The following INSL6 variants were observed in gnomAD, a reference collection of about 807,000 sequenced individuals.
INSL6 encodes the protein insulin-like peptide INSL6.
INSL6 carries 16 observed loss-of-function variants against 9.4 expected under a neutral mutation model. The observed-to-expected ratio is 1.70, with a 90% CI of 1.15 to 2.59. The LOEUF is 2.59. Among genes scored for constraint, INSL6 ranks in the 30% most tolerant of loss-of-function variants. INSL6 has a pLI of 0.00. For synonymous variants in INSL6, 154 were observed against 96.9 expected, an observed-to-expected ratio of 1.59 and a Z score of -3.46; for missense variants, 391 against 257.3, an observed-to-expected ratio of 1.52 and a Z score of -3.56.
chr9:5,105,383 A>G, the INSL6 span, among the ~76,000 whole-genome samples: 1 of 152,222 alleles, frequency 6.6e-6, no homozygotes, highest in Non-Finnish European at 1.5e-5. Context: ...CTTCAAGGAA[A>G]ACTACAAACC....
chr9:5,077,566 GC>G, the INSL6 span: 1 of 1,484,180 alleles, frequency 6.7e-7, no homozygotes, highest in Non-Finnish European at 8.9e-7. Context: ...GTTGGCATGG[GC>G]CATGCATTTT....
At chr9:5,046,244 G>T in the INSL6 span, among the ~76,000 whole-genome samples, 6 of 152,030 alleles carry the variant, frequency 3.9e-5, no homozygotes, top group African/African-American at 1.4e-4. Context: ...GAAGTCCTTT[G>T]CCCATTTTTA....
At chr9:5,065,724 C>T in the INSL6 span, among the ~76,000 whole-genome samples, 2 of 152,164 alleles carry the variant, frequency 1.3e-5, no homozygotes, top group Non-Finnish European at 2.9e-5. Context: ...ATCTATTTAG[C>T]TTAAGTCCTA....
In INSL6 at chr9:5,139,593, C is replaced by G. The variant is rs567954842; in HGVS notation, c.377-6001G>C. Among the ~76,000 whole-genome samples, 5 of 152,266 alleles carry G rather than the reference C, an allele frequency of 3.3e-5. No homozygotes were observed. The South Asian group carries it at 1.0e-3, about 32-fold the overall frequency. On this transcript the variant is annotated intron_variant, in intron 2 of 3. Coordinates refer to the INSL6 transcript ENST00000649639. Reference sequence around the variant, plus strand: ...CCATATTTTCTAAAAGGTATCATATCTGCTACATGAAATATAACTAGAAGA... The same window carrying G: ...CCATATTTTCTAAAAGGTATCATATGTGCTACATGAAATATAACTAGAAGA...
chr9:5,004,800 A>G, the INSL6 span, among the ~76,000 whole-genome samples: 1 of 151,942 alleles, frequency 6.6e-6, no homozygotes, highest in Non-Finnish European at 1.5e-5. Flanking sequence ...TGTTATCCTT[A>G]TATCTTTTTG....
the INSL6 span, chr9:5,050,671 A>T: frequency 4.4e-6 from 7 of 1,606,872 alleles, no homozygotes; most frequent in Non-Finnish European, 5.9e-6. Flanking sequence ...ATTTCCTTCA[A>T]ATTTTTGGTT....
At chr9:5,117,812 G>C in the INSL6 span, among the ~76,000 whole-genome samples, 9 of 152,110 alleles carry the variant, frequency 5.9e-5, no homozygotes, top group Admixed American at 3.3e-4. Flanking sequence ...CAAAAGCTTT[G>C]AGAACTACTG....
chr9:5,159,529 C>A (rs79093242), downstream of INSL6, among the ~76,000 whole-genome samples: 31 of 151,932 alleles, frequency 2.0e-4, no homozygotes, highest in African/African-American at 7.0e-4. Context: ...AATTAGGTTT[C>A]AAGACAAAAA....
chr9:5,138,891 T>G (rs779191485), intron 2 of INSL6, among the ~76,000 whole-genome samples: 3 of 147,768 alleles, frequency 2.0e-5, no homozygotes, highest in Non-Finnish European at 4.5e-5. Flanking sequence ...TCGGGTTGTT[T>G]TTATATAGTC....
chr9:5,006,676 C>A, the INSL6 span, among the ~76,000 whole-genome samples: 1 of 152,078 alleles, frequency 6.6e-6, no homozygotes, highest in Non-Finnish European at 1.5e-5. Flanking sequence ...ATTTAAATAA[C>A]CAGATCTCAT....
chr9:5,024,274 G>T, the INSL6 span, among the ~76,000 whole-genome samples: 29 of 151,848 alleles, frequency 1.9e-4, no homozygotes, highest in African/African-American at 7.0e-4. Context: ...ATTTTTTTTT[G>T]GCTTGTAAGA....
At chr9:5,130,629 T>TTAA (rs1207543600) in intron 3 of INSL6, among the ~76,000 whole-genome samples, 5 of 152,208 alleles carry the variant, frequency 3.3e-5, no homozygotes, top group Admixed American at 2.0e-4. Flanking sequence ...TACATGGTAT[T>TTAA]TAATAATAAA....
chr9:5,073,556 G>C, the INSL6 span: 9 of 658,654 alleles, frequency 1.4e-5, no homozygotes, highest in Non-Finnish European at 1.9e-5. Context: ...TCCATATAAA[G>C]GGACCAAAGC....
the INSL6 span, among the ~76,000 whole-genome samples, chr9:5,056,099 C>G: frequency 6.6e-6 from 1 of 151,874 alleles, no homozygotes; most frequent in African/African-American, 2.4e-5. Flanking sequence ...TAATGCTCAC[C>G]CCTGACTAAA....
At chr9:5,138,382 C>G (rs1824426549) in intron 2 of INSL6, among the ~76,000 whole-genome samples, 1 of 152,190 alleles carries the variant, frequency 6.6e-6, no homozygotes, top group Non-Finnish European at 1.5e-5. Context: ...CACATATACA[C>G]CATGGAATAC....
At chr9:4,994,369 A>G in the INSL6 span, among the ~76,000 whole-genome samples, 3 of 152,194 alleles carry the variant, frequency 2.0e-5, no homozygotes, top group Non-Finnish European at 4.4e-5. Context: ...TAAAGGACTT[A>G]TTGAAACACA....
the INSL6 span, among the ~76,000 whole-genome samples, chr9:5,020,612 A>C: frequency 6.6e-6 from 1 of 152,068 alleles, no homozygotes; most frequent in African/African-American, 2.4e-5. Flanking sequence ...GATGTGATGA[A>C]GCTGTACTCA....
At chr9:5,040,088 G>A in the INSL6 span, among the ~76,000 whole-genome samples, 19 of 152,314 alleles carry the variant, frequency 1.2e-4, no homozygotes, top group African/African-American at 4.3e-4. Flanking sequence ...TCAAGACAAT[G>A]TGATACTAAA....
At chr9:5,038,850 A>T in the INSL6 span, among the ~76,000 whole-genome samples, 1 of 152,112 alleles carries the variant, frequency 6.6e-6, no homozygotes, top group African/African-American at 2.4e-5. Context: ...GGCTAGTGTA[A>T]CTTCCAAAAA....
Sources: allele counts gnomAD v4.1 joint callset (sites outside exome capture counted in the v4.1 genomes callset), GRCh38; gene constraint gnomAD v4.1.1; transcripts MANE v1.5; gene names NCBI Gene and HGNC (gene_info 2026-07-23, HGNC 2026-07-21).